Variants in EYA4 observed in about 807,000 individuals in gnomAD.
The protein encoded by EYA4 is EYA transcriptional coactivator and phosphatase 4.
Under a neutral mutation model 87.9 loss-of-function variants are expected in EYA4, and 31 were observed. The ratio of observed to expected loss-of-function variants is 0.35; its 90% CI spans 0.27 to 0.48. The LOEUF is 0.48. EYA4 is among the 20% of genes least tolerant of loss of function. The probability of loss-of-function intolerance (pLI) is 0.99; values close to 1 mark genes in which losing one functional copy is unlikely to be tolerated. For synonymous variants in EYA4, 263 were observed against 270.6 expected (o/e 0.97, Z 0.28); for missense variants, 678 against 761.4 (o/e 0.89, Z 1.29).
chr6:133,525,326 G>T, intron 19 of EYA4, 72 bp downstream of exon 19: 2 of 1,248,124 alleles, frequency 1.6e-6, no homozygotes, highest in Non-Finnish European at 2.3e-6. Flanking sequence ...CTGTAGTTTG[G>T]CCCAATGGCA....
At chr6:133,275,390 G>A (rs1253400704) in intron 2 of EYA4, among the ~76,000 whole-genome samples, 3 of 152,122 alleles carry the variant, frequency 2.0e-5, no homozygotes, top group Non-Finnish European at 2.9e-5. Context: ...TTTAGCGTGT[G>A]GAACTAGAGG....
At chr6:133,334,228 T>G (rs1782196041) in intron 2 of EYA4, among the ~76,000 whole-genome samples, 1 of 152,212 alleles carries the variant, frequency 6.6e-6, no homozygotes, top group African/African-American at 2.4e-5. Context: ...AAAAACATCT[T>G]TTTTAAAAAA....
At chr6:133,449,674 A>G (rs1043589302) in intron 5 of EYA4, among the ~76,000 whole-genome samples, 1 of 152,204 alleles carries the variant, frequency 6.6e-6, no homozygotes, top group Non-Finnish European at 1.5e-5. Flanking sequence ...ATTCCTTTCT[A>G]TAAAAGGATG....
chr6:133,389,816 AT>A (rs1787099801), intron 3 of EYA4, among the ~76,000 whole-genome samples: 1 of 152,070 alleles, frequency 6.6e-6, no homozygotes, highest in African/African-American at 2.4e-5. Flanking sequence ...CCAATTTTCT[AT>A]GAAACCATGT....
Position 133,530,345 on chromosome 6 carries a change from C to T in EYA4, c.*1540C>T. On this transcript the variant is annotated 3_prime_UTR_variant, in exon 20 of 20. Transcript: ENST00000355286. ...ATCGTTGTGTTTGCATGGTTTTTTT[C>T]CTTGTGTGTAGCCCATGTTGGGAAC... 2 of 985,364 alleles carry T rather than the reference C, an allele frequency of 2.0e-6. No individual in the cohort carries two copies. The highest frequency in any genetic ancestry group is 9.4e-5 in the South Asian group (2 of 21,284). 61.0% of individuals were successfully genotyped at this position (985,364 alleles called of 1,614,324 possible). A position where few individuals can be genotyped will look rare whatever the true frequency, so the allele number is the denominator to read the frequency against.
At chr6:133,465,023 G>T (rs1288238309) in intron 10 of EYA4, among the ~76,000 whole-genome samples, 165 bp downstream of exon 10, 2 of 152,042 alleles carry the variant, frequency 1.3e-5, no homozygotes, top group African/African-American at 4.8e-5. Flanking sequence ...AGAATTCTTG[G>T]AATATGCATT....
chr6:133,294,656 G>A (rs774290913), intron 2 of EYA4, among the ~76,000 whole-genome samples: 4 of 151,738 alleles, frequency 2.6e-5, no homozygotes, highest in African/African-American at 7.3e-5. Flanking sequence ...CAACCTCCTC[G>A]TCCTGAGCTC....
intron 2 of EYA4, among the ~76,000 whole-genome samples, chr6:133,375,058 C>T (rs576639430): frequency 3.3e-5 from 5 of 151,720 alleles, no homozygotes; most frequent in South Asian, 4.2e-4. Context: ...TTTAATGTTT[C>T]GAGTTTTTAA....
At chr6:133,315,581 C>T (rs1043223698) in intron 2 of EYA4, among the ~76,000 whole-genome samples, 9 of 151,952 alleles carry the variant, frequency 5.9e-5, no homozygotes, top group South Asian at 2.1e-4. Flanking sequence ...GCAAGAAACG[C>T]GCCACTGATA....
chr6:133,274,935 A>C, intron 2 of EYA4, 122 bp downstream of exon 2: 2 of 802,834 alleles, frequency 2.5e-6, no homozygotes, highest in Non-Finnish European at 4.1e-6. Flanking sequence ...ATGATTTTTG[A>C]ATTTCCTTTC....
intron 14 of EYA4, among the ~76,000 whole-genome samples, chr6:133,509,717 T>TTTTTGC (rs1474282735): frequency 6.6e-6 from 1 of 152,212 alleles, no homozygotes; most frequent in African/African-American, 2.4e-5. Flanking sequence ...CTGATAAATA[T>TTTTTGC]CAGTGACCAC....
At chr6:133,483,936 C>T (rs1451083308) in intron 13 of EYA4, among the ~76,000 whole-genome samples, 1 of 151,996 alleles carries the variant, frequency 6.6e-6, no homozygotes, top group African/African-American at 2.4e-5. Context: ...GTTGGCCAGG[C>T]TGGTCTCGAA....
Position 133,530,787 on chromosome 6 carries a change from C to T in EYA4, c.*1982C>T. 1.0e-6 allele frequency: 1 copy of T among 987,700 alleles called. No individual in the cohort carries two copies. Among genetic ancestry groups the T allele is most frequent in the Non-Finnish European group, 1.2e-6 (1 of 831,136 alleles). The allele number at this position is 987,700 out of a possible 1,614,324, so 61.2% of individuals were successfully genotyped here. ...CTTTAAATTTTGTAGCTTTTGGCTGCATCTGCCCCAAGTACTATTCCAGGC... is the reference window on the plus strand; with the variant it reads ...CTTTAAATTTTGTAGCTTTTGGCTGTATCTGCCCCAAGTACTATTCCAGGC... On this transcript the variant is annotated 3_prime_UTR_variant, in exon 20 of 20. Transcript: ENST00000355286.
chr6:133,483,789 T>C (rs767880888), intron 13 of EYA4, among the ~76,000 whole-genome samples: 1 of 151,614 alleles, frequency 6.6e-6, no homozygotes, highest in African/African-American at 2.4e-5. Context: ...AGTGACATGA[T>C]CTTGGCTCAC....
intron 1 of EYA4, chr6:133,245,353 A>C (rs1204854081): frequency 6.6e-6 from 1 of 152,148 alleles, no homozygotes; most frequent in African/African-American, 2.4e-5. Context: ...CTATCAAAAC[A>C]CCTTCTTCTT....
intron 2 of EYA4, among the ~76,000 whole-genome samples, chr6:133,319,795 C>T (rs1278011469): frequency 6.6e-6 from 1 of 151,398 alleles, no homozygotes; most frequent in Non-Finnish European, 1.5e-5. Flanking sequence ...GAGCTCACTG[C>T]AGCCTCAATT....
chr6:133,248,374 C>G (rs2128226303), intron 1 of EYA4: 1 of 152,256 alleles, frequency 6.6e-6, no homozygotes, highest in East Asian at 1.9e-4. Flanking sequence ...CTCACAAAAG[C>G]AACAGTACAG....
intron 11 of EYA4, among the ~76,000 whole-genome samples, chr6:133,475,270 T>G (rs995257284): frequency 6.6e-6 from 1 of 152,096 alleles, no homozygotes; most frequent in Non-Finnish European, 1.5e-5. Context: ...GTATATCAGA[T>G]TTTTTATTTG....
In EYA4 at chr6:133,363,666, A is replaced by G. The variant is rs190171411; in HGVS notation, c.34-18726A>G. 7.9e-4 allele frequency among the ~76,000 whole-genome samples: 120 copies of G among 152,084 alleles called. No individual in the cohort carries two copies. The East Asian group carries it at 0.011, about 15-fold the overall frequency. On this transcript the variant is annotated intron_variant, in intron 2 of 19. Coordinates refer to ENST00000355286, the MANE Select transcript of EYA4 (RefSeq NM_004100.5). ...TTTTTTTTGTATTTTTAGTAGAGAC[A>G]GGGTTTCACTGTGTTAGCCAGGATG...
Sources: allele counts gnomAD v4.1 joint callset (sites outside exome capture counted in the v4.1 genomes callset), GRCh38; gene constraint gnomAD v4.1.1; transcripts MANE v1.5; gene names NCBI Gene and HGNC (gene_info 2026-07-23, HGNC 2026-07-21).